The following ACAD9 variants were observed in gnomAD, a reference collection of about 807,000 sequenced individuals.
ACAD9 encodes the protein acyl-CoA dehydrogenase family member 9.
A neutral mutation model predicts 70.2 loss-of-function variants in ACAD9; 53 were observed. The ratio of observed to expected loss-of-function variants is 0.75; its 90% confidence interval spans 0.61 to 0.95. The LOEUF (loss-of-function observed/expected upper bound fraction) is 0.95, where lower values mean the gene tolerates loss of function less well. Among genes scored for constraint, ACAD9 ranks in the 40% least tolerant of loss-of-function variants. The pLI, the probability that ACAD9 is intolerant of heterozygous loss-of-function variation, is 0.00. For synonymous variants in ACAD9, 313 were observed against 312.1 expected, an observed-to-expected ratio of 1.00 and a Z score of -0.03; for missense variants, 777 against 802.8, an observed-to-expected ratio of 0.97 and a Z score of 0.39.
chr3:128,889,185 A>T (rs974108828), intron 2 of ACAD9, among the ~76,000 whole-genome samples: 3 of 151,926 alleles, frequency 2.0e-5, no homozygotes, highest in Admixed American at 6.6e-5. Flanking sequence ...AAAAACAAAA[A>T]ATATTTAACA....
At chr3:128,910,874 G>C in intron 17 of ACAD9, 61 bp downstream of exon 17, 1 of 1,580,632 alleles carries the variant, frequency 6.3e-7, no homozygotes, top group Non-Finnish European at 8.7e-7. Context: ...TATTGATGGT[G>C]AGCTGTTTCT....
intron 2 of ACAD9, among the ~76,000 whole-genome samples, chr3:128,885,723 A>T (rs1285663171): frequency 6.6e-6 from 1 of 152,042 alleles, no homozygotes; most frequent in Non-Finnish European, 1.5e-5. Context: ...AGAAATTTAA[A>T]ATATACTGTG....
At chr3:128,888,997 C>T (rs1220665213) in intron 2 of ACAD9, among the ~76,000 whole-genome samples, 1 of 151,132 alleles carries the variant, frequency 6.6e-6, no homozygotes, top group Admixed American at 6.6e-5. Context: ...CAATGACAGA[C>T]CATATATACA....
intron 6 of ACAD9, 80 bp from the exon 7 acceptor site, chr3:128,899,207 G>A: frequency 6.7e-7 from 1 of 1,499,010 alleles, no homozygotes; most frequent in Non-Finnish European, 9.3e-7. Flanking sequence ...CTGGCAGCTG[G>A]AGCTTGATGG....
intron 2 of ACAD9, among the ~76,000 whole-genome samples, chr3:128,885,614 T>C (rs917807570): frequency 5.3e-5 from 8 of 152,192 alleles, no homozygotes; most frequent in African/African-American, 1.4e-4. Context: ...GGCTGGTCTC[T>C]ACTCCTAGGC....
chr3:128,892,502 C>G (rs1035573612), intron 2 of ACAD9, among the ~76,000 whole-genome samples: 24 of 152,088 alleles, frequency 1.6e-4, no homozygotes, highest in African/African-American at 5.8e-4. Context: ...TAATGCTATG[C>G]TATTGATTGT....
chr3:128,912,864 G>A lies in ACAD9; in HGVS notation c.*257G>A, dbSNP rs538465197. 5.0e-5 allele frequency: 32 copies of A among 639,420 alleles called. No homozygotes were observed. Among genetic ancestry groups the A allele is most frequent in the South Asian group, 4.0e-4 (29 of 72,532 alleles). The allele number at this position is 639,420 out of a possible 1,614,324, so 39.6% of individuals were successfully genotyped here. On this transcript the variant is annotated 3_prime_UTR_variant, in exon 18 of 18. Transcript: ENST00000308982. ...AATGGAATTGCTGACCCCTGGAACT[G>A]GCGGGTATTCTGGTCATTGAGGAGA...
intron 6 of ACAD9, among the ~76,000 whole-genome samples, chr3:128,898,722 C>T (rs1935643632): frequency 6.6e-6 from 1 of 152,186 alleles, no homozygotes; most frequent in Non-Finnish European, 1.5e-5. Flanking sequence ...CTTCTATCAG[C>T]ATTCAAATAT....
intron 9 of ACAD9, 63 bp from the exon 10 acceptor site, chr3:128,903,999 A>G (rs1935817075): frequency 1.9e-6 from 3 of 1,555,200 alleles, no homozygotes; most frequent in Non-Finnish European, 1.8e-6. Context: ...TGATGGCCAT[A>G]GGAAATCATG....
intron 14 of ACAD9, 110 bp from the exon 15 acceptor site, chr3:128,909,234 C>G (rs1321640247): frequency 6.3e-7 from 1 of 1,595,468 alleles, no homozygotes; most frequent in Non-Finnish European, 8.6e-7. Context: ...TCCATGACAC[C>G]CTGGATTGCT....
chr3:128,902,709 C>G lies in ACAD9; in HGVS notation c.958+81C>G. 2.7e-6 allele frequency: 4 copies of G among 1,488,154 alleles called. No individual in the cohort carries two copies. The highest frequency in any genetic ancestry group is 3.7e-6 in the Non-Finnish European group (4 of 1,082,230). The allele number at this position is 1,488,154 out of a possible 1,614,324, so 92.2% of individuals were successfully genotyped here. On this transcript the variant is annotated intron_variant, in intron 9 of 17. Transcript: ENST00000308982. This position sits in a 1 kb window ranked among gnomAD's most constrained non-coding sequence, Gnocchi z 4.0. ...AACCCTGGAGGCTCTGCCATTCCCC[C>G]GGCCCCTTCCAGGCCAGTGCTGAAC...
intron 6 of ACAD9, among the ~76,000 whole-genome samples, chr3:128,898,669 G>A (rs1377903218): frequency 6.6e-6 from 1 of 151,940 alleles, no homozygotes; most frequent in African/African-American, 2.4e-5. Context: ...CAAAGTGCTG[G>A]GATTACAGGC....
At chr3:128,903,208 G>C (rs887425801) in intron 9 of ACAD9, among the ~76,000 whole-genome samples, 4 of 152,208 alleles carry the variant, frequency 2.6e-5, no homozygotes, top group Admixed American at 2.6e-4. Context: ...CGGGGAAATG[G>C]GGGTACCCGG....
intron 6 of ACAD9, among the ~76,000 whole-genome samples, chr3:128,898,841 CCT>C (rs1935647199): frequency 6.6e-6 from 1 of 152,136 alleles, no homozygotes; most frequent in Non-Finnish European, 1.5e-5. Context: ...CCTCTGTCTC[CCT>C]CTGTTTCCTT....
At chr3:128,894,548 T>A (rs57147056) in intron 3 of ACAD9, among the ~76,000 whole-genome samples, 19,423 of 151,140 alleles carry the variant, frequency 0.13, 1,215 homozygotes, top group South Asian at 0.16. Flanking sequence ...TTTTTTTTTT[T>A]TTTTGAGACA....
At chr3:128,885,786 G>A (rs1049090426) in intron 2 of ACAD9, among the ~76,000 whole-genome samples, 3 of 152,072 alleles carry the variant, frequency 2.0e-5, no homozygotes, top group African/African-American at 2.4e-5. Context: ...GGAGGCCAAC[G>A]GGGACAGATC....
At chr3:128,880,029 C>G in intron 1 of ACAD9, 188 bp downstream of exon 1, 10 of 1,541,218 alleles carry the variant, frequency 6.5e-6, no homozygotes, top group Non-Finnish European at 8.7e-6. Context: ...TGAGACATTT[C>G]CAAGACGGGG....
chr3:128,904,279 T>C (rs1935825439), intron 10 of ACAD9, 107 bp from the exon 11 acceptor site: 1 of 1,603,608 alleles, frequency 6.2e-7, no homozygotes, highest in Admixed American at 1.7e-5. Flanking sequence ...CTGGGCTTGC[T>C]TCTCTTGGGC....
chr3:128,910,838 G>A (rs1936213433), intron 17 of ACAD9, 25 bp downstream of exon 17: 1 of 1,613,242 alleles, frequency 6.2e-7, no homozygotes, highest in African/African-American at 1.3e-5. Context: ...TTGGGGGAGG[G>A]AAGGAAGGGC....
Sources: gnomAD v4.1 joint callset for allele counts (sites outside exome capture counted in the v4.1 genomes callset) on GRCh38, gnomAD v4.1.1 for gene constraint, Gnocchi (gnomAD v3.1) non-coding constraint, MANE v1.5 for transcripts, NCBI Gene and HGNC (gene_info 2026-07-23, HGNC 2026-07-21) for gene names.